Variants in RNF180 observed in about 807,000 individuals in gnomAD.
RNF180 encodes the protein E3 ubiquitin-protein ligase RNF180.
In RNF180, 38 loss-of-function variants were observed where a neutral mutation model predicts 59.2. The ratio of observed to expected loss-of-function variants is 0.64; its 90% CI spans 0.50 to 0.84. The LOEUF is 0.84. RNF180 is among the 40% of genes least tolerant of loss of function. The pLI is 0.00. For missense variants in RNF180, 705 were observed against 700.9 expected, an observed-to-expected ratio of 1.01 and a Z score of -0.07; for synonymous variants, 262 against 240.3, an observed-to-expected ratio of 1.09 and a Z score of -0.84.
intron 2 of RNF180, among the ~76,000 whole-genome samples, chr5:64,209,198 A>G (rs1580004802): frequency 6.6e-6 from 1 of 152,104 alleles, no homozygotes; most frequent in East Asian, 1.9e-4. Context: ...CACAATATAA[A>G]TATTTGTTAT....
rs73105043 is a variant in RNF180 at position 64,345,698 on chromosome 5, A to G, written c.1579+15292A>G. On this transcript the variant is annotated intron_variant, in intron 7 of 7. Coordinates refer to ENST00000389100, the MANE Select transcript of RNF180 (RefSeq NM_001113561.2). The stretch of plus-strand genomic sequence containing the variant: ...CAGCACCTGTCATGACAGATGTAAA[A>G]AGGAACACATTATAAACAATTTGCT... Among the ~76,000 whole-genome samples, 752 of 152,310 alleles carry G rather than the reference A, an allele frequency of 4.9e-3. 10 individuals are homozygous for G. Among genetic ancestry groups the G allele is most frequent in the African/African-American group, 0.017 (704 of 41,572 alleles).
intron 5 of RNF180, among the ~76,000 whole-genome samples, chr5:64,266,280 ATG>A (rs1744674117): frequency 6.6e-6 from 1 of 152,246 alleles, no homozygotes; most frequent in South Asian, 2.1e-4. Context: ...TAGAAAAGAA[ATG>A]TGTGTGGGAT....
chr5:64,213,435 CAGAA>C, intron 3 of RNF180, 119 bp from the exon 4 acceptor site: 1 of 825,038 alleles, frequency 1.2e-6, no homozygotes, highest in Admixed American at 2.4e-5. Context: ...AATCAGAAAA[CAGAA>C]AGCTAGCCTT....
Position 64,278,424 on chromosome 5 carries a change from T to C in RNF180, c.1228-46762T>C, listed in dbSNP as rs148840388. On this transcript the variant is annotated intron_variant, in intron 5 of 7. Transcript: ENST00000389100. ...TTTTAAAAGATCTGTCTTGCAGTAGTAGAGAGCCTAAGTTGTACAAATTGT... is the reference window on the plus strand; with the variant it reads ...TTTTAAAAGATCTGTCTTGCAGTAGCAGAGAGCCTAAGTTGTACAAATTGT... Among the ~76,000 whole-genome samples the C allele has an allele frequency of 6.6e-5, 10 of 152,280 alleles. No homozygotes were observed. In the East Asian group the frequency reaches 1.9e-3, roughly 29 times the overall value.
chr5:64,354,745 A>G (rs1189080778), intron 7 of RNF180, among the ~76,000 whole-genome samples: 2 of 151,932 alleles, frequency 1.3e-5, no homozygotes, highest in East Asian at 1.9e-4. Context: ...CATTATTACC[A>G]AATGGGATTT....
chr5:64,231,096 G>C (rs1742073038), intron 5 of RNF180, among the ~76,000 whole-genome samples: 1 of 152,334 alleles, frequency 6.6e-6, no homozygotes, highest in South Asian at 2.1e-4. Flanking sequence ...AAAGCTGCAT[G>C]AAAGCAAGGG....
At chr5:64,352,969 A>G (rs1745876521) in intron 7 of RNF180, among the ~76,000 whole-genome samples, 1 of 151,842 alleles carries the variant, frequency 6.6e-6, no homozygotes, top group Non-Finnish European at 1.5e-5. Flanking sequence ...TCTATCCTAA[A>G]TGACTGTTAG....
intron 1 of RNF180, among the ~76,000 whole-genome samples, chr5:64,183,815 TATG>T (rs1750740368): frequency 6.6e-6 from 1 of 152,202 alleles, no homozygotes; most frequent in Non-Finnish European, 1.5e-5. Context: ...TCAAACCACA[TATG>T]ATGTCCTGAA....
At chr5:64,319,429 G>C (rs1050659430) in intron 5 of RNF180, among the ~76,000 whole-genome samples, 2 of 152,108 alleles carry the variant, frequency 1.3e-5, no homozygotes, top group South Asian at 4.1e-4. Flanking sequence ...GTGATATGCA[G>C]TGTGATTATA....
intron 7 of RNF180, among the ~76,000 whole-genome samples, chr5:64,353,517 AG>A (rs1745897614): frequency 6.6e-6 from 1 of 151,736 alleles, no homozygotes; most frequent in Non-Finnish European, 1.5e-5. Flanking sequence ...AAACAAAATA[AG>A]AAATAAGTCG....
upstream of RNF180, among the ~76,000 whole-genome samples, chr5:64,165,537 A>G (rs1157302049): frequency 6.6e-6 from 1 of 152,216 alleles, no homozygotes; most frequent in Non-Finnish European, 1.5e-5. Context: ...TTAACTCCAG[A>G]AAAGGCCGAG....
chr5:64,186,144 G>A (rs190135381), intron 1 of RNF180, among the ~76,000 whole-genome samples: 4 of 152,188 alleles, frequency 2.6e-5, no homozygotes, highest in African/African-American at 7.2e-5. Context: ...AAATGTCTCT[G>A]TATGTGACAA....
At chr5:64,192,903 GTATATATATATATATATATATATA>G (rs70983610) in intron 1 of RNF180, among the ~76,000 whole-genome samples, 2 of 93,870 alleles carry the variant, frequency 2.1e-5, no homozygotes, top group African/African-American at 4.1e-5. Flanking sequence ...AGTGTGGCAT[GTATATATATATATATATATATATA>G]TATATATATA....
chr5:64,285,942 G>C (rs1232887250), intron 5 of RNF180, among the ~76,000 whole-genome samples: 1 of 152,088 alleles, frequency 6.6e-6, no homozygotes, highest in Non-Finnish European at 1.5e-5. Flanking sequence ...TGTCTGTAGG[G>C]GTCGTAGGGT....
chr5:64,247,897 G>A (rs142051879), intron 5 of RNF180, among the ~76,000 whole-genome samples: 5,776 of 152,140 alleles, frequency 0.038, 166 homozygotes, highest in Non-Finnish European at 0.061. Flanking sequence ...CATGGTACTC[G>A]TACCAAAACA....
At chr5:64,190,661 A>G (rs973570948) in intron 1 of RNF180, among the ~76,000 whole-genome samples, 1 of 152,114 alleles carries the variant, frequency 6.6e-6, no homozygotes, top group Non-Finnish European at 1.5e-5. Flanking sequence ...TAAGGAGGTA[A>G]TTAATGTTAA....
intron 6 of RNF180, among the ~76,000 whole-genome samples, chr5:64,329,708 T>C (rs1041423606): frequency 1.3e-5 from 2 of 152,308 alleles, no homozygotes; most frequent in South Asian, 4.1e-4. Flanking sequence ...TCCACCTGCC[T>C]CAACATCCCA....
chr5:64,186,133 A>G (rs1174742015), intron 1 of RNF180, among the ~76,000 whole-genome samples: 1 of 152,148 alleles, frequency 6.6e-6, no homozygotes, highest in African/African-American at 2.4e-5. Flanking sequence ...TGCATCAAAC[A>G]AAATGTCTCT....
chr5:64,184,529 G>A (rs1297809299), intron 1 of RNF180, among the ~76,000 whole-genome samples: 7 of 152,084 alleles, frequency 4.6e-5, no homozygotes, highest in East Asian at 1.9e-4. Context: ...TTTGGTTACC[G>A]TGAAATAGTC....
Sources: allele counts gnomAD v4.1 joint callset (sites outside exome capture counted in the v4.1 genomes callset), GRCh38; gene constraint gnomAD v4.1.1; transcripts MANE v1.5; gene names NCBI Gene and HGNC (gene_info 2026-07-23, HGNC 2026-07-21).